The following MTHFD1 variants were observed in gnomAD, a reference collection of about 807,000 sequenced individuals.
The protein encoded by MTHFD1 is C-1-tetrahydrofolate synthase, cytoplasmic.
MTHFD1 carries 44 observed loss-of-function variants against 110.3 expected under a neutral mutation model. The ratio of observed to expected loss-of-function variants is 0.40; its 90% CI spans 0.31 to 0.51. MTHFD1 has a LOEUF of 0.51. MTHFD1 is among the 20% of genes least tolerant of loss of function. The probability of loss-of-function intolerance (pLI) is 0.60; values close to 1 mark genes in which losing one functional copy is unlikely to be tolerated. For missense variants in MTHFD1, 909 were observed against 1,173.1 expected (o/e 0.77, Z 3.29); for synonymous variants, 402 against 428.8 (o/e 0.94, Z 0.77).
Position 64,431,872 on chromosome 14 carries a change from T to G in MTHFD1, c.1494+11T>G, listed in dbSNP as rs377031747. 2.5e-6 allele frequency: 4 copies of G among 1,611,174 alleles called. No individual in the cohort carries two copies. The African/African-American group carries it at 5.3e-5, about 22-fold the overall frequency. On this transcript the variant is annotated intron_variant, in intron 15 of 27. Transcript: ENST00000652337. ...ATCCGAAGGTTAAAGGTAAGCTTTTTTTCTTCCACATTTTTTATATTGTAT... is the reference window on the plus strand; with the variant it reads ...ATCCGAAGGTTAAAGGTAAGCTTTTGTTCTTCCACATTTTTTATATTGTAT...
intron 3 of MTHFD1, among the ~76,000 whole-genome samples, chr14:64,411,658 G>A (rs550211280): frequency 3.9e-5 from 6 of 152,196 alleles, no homozygotes; most frequent in Non-Finnish European, 8.8e-5. Flanking sequence ...CCAGCACTTT[G>A]GGAGGCCGAG....
intron 1 of MTHFD1, among the ~76,000 whole-genome samples, chr14:64,395,448 G>A (rs1293935367): frequency 6.6e-6 from 1 of 152,112 alleles, no homozygotes; most frequent in Non-Finnish European, 1.5e-5. Context: ...TGGGGGAGGT[G>A]GGACCTCATT....
At chr14:64,437,112 A>C (rs1288127076) in intron 16 of MTHFD1, among the ~76,000 whole-genome samples, 1 of 151,054 alleles carries the variant, frequency 6.6e-6, no homozygotes, top group African/African-American at 2.4e-5. Context: ...CTCCTCCTTG[A>C]CTCATTTAGA....
chr14:64,401,740 T>C (rs150133471), intron 2 of MTHFD1, among the ~76,000 whole-genome samples: 6 of 152,012 alleles, frequency 3.9e-5, no homozygotes, highest in African/African-American at 1.4e-4. Flanking sequence ...TTTAAAAATG[T>C]TTATTCATTT....
chr14:64,439,052 T>C, intron 16 of MTHFD1, 44 bp from the exon 17 acceptor site: 1 of 1,405,186 alleles, frequency 7.1e-7, no homozygotes, highest in South Asian at 1.2e-5. Context: ...AACTTTGTGG[T>C]CCTTTTACTC....
At chr14:64,392,406 G>T (rs1180381609) in intron 1 of MTHFD1, among the ~76,000 whole-genome samples, 1 of 152,170 alleles carries the variant, frequency 6.6e-6, no homozygotes, top group South Asian at 2.1e-4. Flanking sequence ...CCTTTCAAAG[G>T]GGGGCTTACT....
At chr14:64,429,261 A>T (rs201732175) in intron 12 of MTHFD1, among the ~76,000 whole-genome samples, 1 of 108,220 alleles carries the variant, frequency 9.2e-6, no homozygotes. Flanking sequence ...TGTCTAAAAA[A>T]ATATATATCT....
chr14:64,433,112 TATTG>T (rs1393927003), intron 15 of MTHFD1, among the ~76,000 whole-genome samples: 2 of 151,940 alleles, frequency 1.3e-5, no homozygotes, highest in African/African-American at 4.8e-5. Flanking sequence ...TTCAAAAATT[TATTG>T]GTTGGTTGTT....
At chr14:64,441,858 A>G (rs905547962) in intron 19 of MTHFD1, 196 bp from the exon 20 acceptor site, 6 of 654,724 alleles carry the variant, frequency 9.2e-6, no homozygotes, top group African/African-American at 1.8e-5. Context: ...GACCTTCTCC[A>G]CTTGCTCATC....
chr14:64,453,130 T>C (rs1312804870), intron 24 of MTHFD1, among the ~76,000 whole-genome samples: 3 of 152,006 alleles, frequency 2.0e-5, no homozygotes, highest in East Asian at 1.9e-4. Flanking sequence ...TATGTAAGTA[T>C]ATATTTAAAA....
intron 2 of MTHFD1, among the ~76,000 whole-genome samples, chr14:64,402,115 A>C (rs2077902196): frequency 6.6e-6 from 1 of 152,172 alleles, no homozygotes; most frequent in South Asian, 2.1e-4. Flanking sequence ...AGAATCTGAA[A>C]CTCTATCAGT....
intron 4 of MTHFD1, 81 bp from the exon 5 acceptor site, chr14:64,415,277 C>A: frequency 7.9e-7 from 1 of 1,261,392 alleles, no homozygotes; most frequent in Non-Finnish European, 1.2e-6. Flanking sequence ...ATAGGGCAAC[C>A]TAATTTTTGC....
chr14:64,424,460 T>C (rs2078103968), intron 8 of MTHFD1, among the ~76,000 whole-genome samples: 1 of 152,178 alleles, frequency 6.6e-6, no homozygotes. Context: ...AAATTTCCTT[T>C]GTAGGCTTTA....
intron 2 of MTHFD1, among the ~76,000 whole-genome samples, chr14:64,405,491 A>C (rs2077929435): frequency 6.6e-6 from 1 of 152,204 alleles, no homozygotes; most frequent in Non-Finnish European, 1.5e-5. Flanking sequence ...TCCCTGCCTC[A>C]GACCTCTAGT....
chr14:64,458,045 C>G (rs1432005843), intron 26 of MTHFD1, 169 bp from the exon 27 acceptor site: 11 of 664,926 alleles, frequency 1.7e-5, no homozygotes, highest in Non-Finnish European at 3.0e-5. Flanking sequence ...CACATGCCAT[C>G]ATATCCAGCT....
chr14:64,441,788 G>A (rs1399887723), intron 19 of MTHFD1: 6 of 564,456 alleles, frequency 1.1e-5, no homozygotes, highest in Non-Finnish European at 1.9e-5. Context: ...GGGCGACAGA[G>A]CGAGACTCCG....
At position 64,412,448 on chromosome 14, in the gene MTHFD1, CTGCTTTTAA is replaced by C. The variant is rs748931441; in HGVS notation, c.187-21_187-13del. On this transcript the variant is annotated splice_polypyrimidine_tract_variant and intron_variant, in intron 3 of 27. Coordinates refer to ENST00000652337, the MANE Select transcript of MTHFD1 (RefSeq NM_005956.4). ...TATCTCAAGTTGTCTTGCCATTTAC[CTGCTTTTAA>C]TGTCTGTTTTGCAGATTGGGATCAA... 1.1e-5 allele frequency: 17 copies of C among 1,592,904 alleles called. No individual in the cohort carries two copies. The Admixed American group carries it at 2.8e-4, about 27-fold the overall frequency.
chr14:64,388,492 A>G, intron 1 of MTHFD1, 24 bp downstream of exon 1: 1 of 1,608,990 alleles, frequency 6.2e-7, no homozygotes, highest in South Asian at 1.1e-5. Flanking sequence ...ATTGTTGTTG[A>G]GTGTGGGGCT....
At chr14:64,436,008 T>C (rs2078203362) in intron 16 of MTHFD1, among the ~76,000 whole-genome samples, 1 of 152,210 alleles carries the variant, frequency 6.6e-6, no homozygotes, top group South Asian at 2.1e-4. Flanking sequence ...TTATGTTTAA[T>C]CACTTCTTGA....
Sources: allele counts gnomAD v4.1 joint callset (sites outside exome capture counted in the v4.1 genomes callset), GRCh38; gene constraint gnomAD v4.1.1; transcripts MANE v1.5; gene names NCBI Gene and HGNC (gene_info 2026-07-23, HGNC 2026-07-21).